OSBPL9: variants seen among roughly 807,000 people sequenced by gnomAD.
OSBPL9 encodes oxysterol binding protein like 9.
Under a neutral mutation model 106.6 loss-of-function variants are expected in OSBPL9, and 40 were observed. The ratio of observed to expected loss-of-function variants is 0.38; its 90% CI spans 0.29 to 0.49. The LOEUF is 0.49. OSBPL9 is among the 20% of genes least tolerant of loss of function. The probability of loss-of-function intolerance (pLI) is 0.97; values close to 1 mark genes in which losing one functional copy is unlikely to be tolerated. For missense variants in OSBPL9, 609 were observed against 887.2 expected, an observed-to-expected ratio of 0.69 and a Z score of 3.98; for synonymous variants, 269 against 295.4, an observed-to-expected ratio of 0.91 and a Z score of 0.92.
At chr1:51,749,574 G>GC (rs1192062996) in intron 7 of OSBPL9, 1 of 397,452 alleles carries the variant, frequency 2.5e-6, no homozygotes, top group African/African-American at 2.0e-5. Flanking sequence ...GCCTACCAAA[G>GC]CAGTGGGATT....
At chr1:51,733,669 G>A (rs1360359569) in intron 4 of OSBPL9, among the ~76,000 whole-genome samples, 1 of 152,054 alleles carries the variant, frequency 6.6e-6, no homozygotes, top group African/African-American at 2.4e-5. Context: ...CAGCCACTTG[G>A]GGGGCTGAGG....
chr1:51,580,954 A>ATATATAT lies in OSBPL9; in HGVS notation c.-423+3698_-423+3699insTATATAT, dbSNP rs869053368. ...TATATATATATATATATATATATATAACTTTTTTGAAACAGAGTCTTGCTC... is the reference window on the plus strand; with the variant it reads ...TATATATATATATATATATATATATATATATATACTTTTTTGAAACAGAGTCTTGCTC... On this transcript the variant is annotated intron_variant, in intron 1 of 25. Transcript: ENST00000371714. Among the ~76,000 whole-genome samples the ATATATAT allele has an allele frequency of 5.4e-3, 17 of 3,138 alleles. 7 individuals carry two copies. Among genetic ancestry groups the ATATATAT allele is most frequent in the Non-Finnish European group, 8.9e-3 (15 of 1,680 alleles). 2.1% of individuals were successfully genotyped at this position (3,138 alleles called of 152,430 possible). A position where few individuals can be genotyped will look rare whatever the true frequency, so the allele number is the denominator to read the frequency against.
intron 1 of OSBPL9, among the ~76,000 whole-genome samples, chr1:51,636,398 G>A (rs1645453340): frequency 6.6e-6 from 1 of 150,704 alleles, no homozygotes; most frequent in African/African-American, 2.4e-5. Context: ...GAGTGCAATG[G>A]CATGATTCAG....
In OSBPL9 at chr1:51,672,095, C is replaced by T. The variant is rs115074820; in HGVS notation, c.241+2583C>T. On this transcript the variant is annotated intron_variant, in intron 3 of 23. Coordinates refer to ENST00000428468, the MANE Select transcript of OSBPL9 (RefSeq NM_024586.6). Reference sequence around the variant, plus strand: ...GCCTTTATAAGGGCATTGAATTTGACTGAGATAAAAGGCCATTAGAAGGTT... The same window carrying T: ...GCCTTTATAAGGGCATTGAATTTGATTGAGATAAAAGGCCATTAGAAGGTT... Among the ~76,000 whole-genome samples the T allele has an allele frequency of 5.7e-3, 870 of 152,226 alleles. 2 individuals are homozygous for T. Among genetic ancestry groups the T allele is most frequent in the African/African-American group, 0.02 (825 of 41,534 alleles).
chr1:51,553,819 CA>C, the OSBPL9 span, among the ~76,000 whole-genome samples: 1 of 152,134 alleles, frequency 6.6e-6, no homozygotes, highest in Admixed American at 6.5e-5. Context: ...CCTGGGATTA[CA>C]GGCATCCGCC....
chr1:51,620,843 T>C (rs1644381728), intron 1 of OSBPL9, among the ~76,000 whole-genome samples: 1 of 152,130 alleles, frequency 6.6e-6, no homozygotes, highest in African/African-American at 2.4e-5. Flanking sequence ...ATTATAGAAA[T>C]TTAAAAAAAT....
chr1:51,680,127 G>A (rs1465487547), intron 3 of OSBPL9, among the ~76,000 whole-genome samples: 2 of 151,922 alleles, frequency 1.3e-5, no homozygotes, highest in Admixed American at 6.6e-5. Context: ...CGTGGCTTGC[G>A]ACTGTAGTAC....
chr1:51,575,226 A>G (rs1013068939), upstream of OSBPL9, among the ~76,000 whole-genome samples: 8 of 152,054 alleles, frequency 5.3e-5, no homozygotes, highest in African/African-American at 1.9e-4. Context: ...TTTGAGACGG[A>G]GTCTTGCTCT....
intron 4 of OSBPL9, among the ~76,000 whole-genome samples, chr1:51,740,522 AC>A (rs950387593): frequency 5.9e-5 from 9 of 152,004 alleles, no homozygotes; most frequent in South Asian, 2.1e-4. Flanking sequence ...CTGATAACTT[AC>A]CTGTTTTTCT....
At chr1:51,559,000 A>C in the OSBPL9 span, among the ~76,000 whole-genome samples, 1 of 152,156 alleles carries the variant, frequency 6.6e-6, no homozygotes, top group African/African-American at 2.4e-5. Flanking sequence ...AACTAAAAAC[A>C]ATGCAGTCAC....
chr1:51,788,170 A>T lies in OSBPL9; in HGVS notation c.*381A>T, dbSNP rs901286725. 3 of 215,274 alleles carry T rather than the reference A, an allele frequency of 1.4e-5. No individual in the cohort carries two copies. Among genetic ancestry groups the T allele is most frequent in the Middle Eastern group, 1.9e-3 (1 of 540 alleles). The allele number at this position is 215,274 out of a possible 1,614,324, so 13.3% of individuals were successfully genotyped here. On this transcript the variant is annotated 3_prime_UTR_variant, in exon 24 of 24. Coordinates refer to ENST00000428468, the MANE Select transcript of OSBPL9 (RefSeq NM_024586.6). ...AATCTCGGGATACACACACACACAC[A>T]CATATATATACACACACATACGTAT... is the stretch of plus-strand genomic sequence containing the variant.
intron 7 of OSBPL9, among the ~76,000 whole-genome samples, chr1:51,748,874 T>C (rs546887192): frequency 6.6e-6 from 1 of 152,096 alleles, no homozygotes; most frequent in South Asian, 2.1e-4. Flanking sequence ...TCACCTGAGG[T>C]TGGGAGTTCC....
At chr1:51,575,820 A>G (rs1645180513), upstream of OSBPL9, among the ~76,000 whole-genome samples, 1 of 152,224 alleles carries the variant, frequency 6.6e-6, no homozygotes, top group Non-Finnish European at 1.5e-5. Context: ...TCCCCACATG[A>G]AAGATGTCTT....
At chr1:51,612,119 A>G (rs2148606462), upstream of OSBPL9, among the ~76,000 whole-genome samples, 1 of 152,342 alleles carries the variant, frequency 6.6e-6, no homozygotes, top group East Asian at 1.9e-4. Flanking sequence ...GAGTTTTAAA[A>G]TCTTATCTCC....
chr1:51,643,772 G>C (rs1645962625), intron 1 of OSBPL9, among the ~76,000 whole-genome samples: 1 of 151,974 alleles, frequency 6.6e-6, no homozygotes, highest in South Asian at 2.1e-4. Context: ...AGGAAGAAGA[G>C]ATAGAGAAGA....
At chr1:51,693,464 G>A (rs996965778) in intron 3 of OSBPL9, among the ~76,000 whole-genome samples, 1 of 152,094 alleles carries the variant, frequency 6.6e-6, no homozygotes. Flanking sequence ...AGCTGAGCGA[G>A]GGAAGGGAAA....
intron 1 of OSBPL9, among the ~76,000 whole-genome samples, chr1:51,644,060 AC>A (rs1481310230): frequency 2.1e-5 from 3 of 145,546 alleles, no homozygotes; most frequent in African/African-American, 7.8e-5. Context: ...AGCCTGGGCA[AC>A]AGAGTGAGAC....
chr1:51,554,234 T>A, the OSBPL9 span, among the ~76,000 whole-genome samples: 1 of 152,120 alleles, frequency 6.6e-6, no homozygotes, highest in Non-Finnish European at 1.5e-5. Flanking sequence ...GAAAAACAGA[T>A]GCATAATTGT....
intron 4 of OSBPL9, among the ~76,000 whole-genome samples, chr1:51,740,410 G>A (rs12095469): frequency 0.057 from 8,659 of 151,720 alleles, 470 homozygotes; most frequent in African/African-American, 0.14. Context: ...AAAAATGTCT[G>A]CTTTTGTCCA....
Sources: gnomAD v4.1 joint callset for allele counts (sites outside exome capture counted in the v4.1 genomes callset) on GRCh38, gnomAD v4.1.1 for gene constraint, MANE v1.5 for transcripts, NCBI Gene and HGNC (gene_info 2026-07-23, HGNC 2026-07-21) for gene names.